The following MAP3K11 variants were observed in gnomAD, a reference collection of about 807,000 sequenced individuals.
The protein encoded by MAP3K11 is SH3 domain-containing proline-rich kinase.
MAP3K11 carries 46 observed loss-of-function variants against 84.9 expected under a neutral mutation model. The ratio of observed to expected loss-of-function variants is 0.54; its 90% confidence interval spans 0.43 to 0.69. MAP3K11 has a LOEUF of 0.69. Among genes scored for constraint, MAP3K11 ranks in the 30% least tolerant of loss-of-function variants. The probability of loss-of-function intolerance (pLI) is 0.00; values close to 1 mark genes in which losing one functional copy is unlikely to be tolerated. For synonymous variants in MAP3K11, 527 were observed against 514.7 expected (o/e 1.02, Z -0.32); for missense variants, 1,053 against 1,198.3 (o/e 0.88, Z 1.79).
In MAP3K11 at chr11:65,613,723, G is replaced by A. The variant is rs1333391484; in HGVS notation, c.34C>T (p.Pro12Ser). The A allele has an allele frequency of 1.0e-5, 16 of 1,588,556 alleles. No homozygotes were observed. The highest frequency in any genetic ancestry group is 6.9e-5 in the Admixed American group (4 of 57,672). ...EPLKSLFLKS[P>S]LGSWNGSGSG... ...CCACTGCCATTCCATGACCCTAGAG[G>A]GCTCTTGAGGAAGAGGCTCTTCAAG... The change falls in exon 1 of 10, where the codon CCT (proline) becomes TCT (serine). Residue 12 changes from proline to serine, a missense_variant. By Grantham distance (74) the Pro-to-Ser change is moderately conservative. Coordinates refer to ENST00000309100, the MANE Select transcript of MAP3K11 (RefSeq NM_002419.4).
rs916549536 is a variant in MAP3K11, at chr11:65,613,390, T to C, written c.367A>G (p.Ile123Val). The change falls in exon 1 of 10, where the codon ATC becomes GTC. Residue 123 changes from isoleucine to valine, a missense_variant. Ile to Val is a conservative substitution (Grantham distance 29, BLOSUM62 3). Coordinates refer to ENST00000309100, the MANE Select transcript of MAP3K11 (RefSeq NM_002419.4). Reference sequence around the variant, plus strand: ...ACCTTGCCAAAGCCTCCAATGCCGATCACCTCCTCCAGCCGCAGCTCCTGG... The same window carrying C: ...ACCTTGCCAAAGCCTCCAATGCCGACCACCTCCTCCAGCCGCAGCTCCTGG... ...SFQELRLEEV[I>V]GIGGFGKVYR... 2 of 1,612,774 alleles carry C rather than the reference T, an allele frequency of 1.2e-6. No homozygotes were observed. The highest frequency in any genetic ancestry group is 1.7e-6 in the Non-Finnish European group (2 of 1,179,808).
At chr11:65,605,583 T>C (rs2135368170) in intron 8 of MAP3K11, 178 bp downstream of exon 8, 1 of 547,626 alleles carries the variant, frequency 1.8e-6, no homozygotes, top group Non-Finnish European at 3.2e-6. Flanking sequence ...CGTGGGCCTG[T>C]AGGTCAGACC....
chr11:65,601,833 A>G (rs1854459267), intron 8 of MAP3K11, among the ~76,000 whole-genome samples: 1 of 143,034 alleles, frequency 7.0e-6, no homozygotes, highest in African/African-American at 2.6e-5. Context: ...AGGTTATCAT[A>G]TCACCCCCAC....
chr11:65,598,743 C>T lies in MAP3K11; in HGVS notation c.2207-115G>A, dbSNP rs547840140. ...CATGTGCACAGTGACCTACTTGACT[C>T]AACTTCCACCGCCCTTCCTGCTCCG... On this transcript the variant is annotated intron_variant, in intron 9 of 9. Coordinates refer to ENST00000309100, the MANE Select transcript of MAP3K11 (RefSeq NM_002419.4). The T allele has an allele frequency of 2.7e-5, 19 of 695,566 alleles. No homozygotes were observed. In the East Asian group the frequency reaches 5.5e-4, roughly 20 times the overall value. The allele number at this position is 695,566 out of a possible 1,614,324, so 43.1% of individuals were successfully genotyped here.
intron 6 of MAP3K11, 29 bp downstream of exon 6, chr11:65,606,662 A>G (rs577044473): frequency 1.4e-6 from 2 of 1,479,128 alleles, no homozygotes; most frequent in East Asian, 2.5e-5. Flanking sequence ...TGGGGGGCGG[A>G]GAGGGGCATG....
At chr11:65,604,258 G>A (rs1414509725) in intron 8 of MAP3K11, among the ~76,000 whole-genome samples, 1 of 152,272 alleles carries the variant, frequency 6.6e-6, no homozygotes, top group East Asian at 1.9e-4. Context: ...TTGTGCCCCT[G>A]CTTCTGGGAG....
chr11:65,608,280 C>T lies in MAP3K11; in HGVS notation c.908G>A (p.Ser303Asn). Residue 303 changes from serine to asparagine, a missense_variant, in exon 2 of 10, where the codon AGT (serine) becomes AAT (asparagine). By Grantham distance (46) the Ser-to-Asn change is conservative. Coordinates refer to ENST00000309100, the MANE Select transcript of MAP3K11 (RefSeq NM_002419.4). The stretch of plus-strand genomic sequence containing the variant: ...CCAAGGGCCGCACCTCCAGACGTCA[C>T]TGCCCTTAGAGAAGGTGGAGGCCTT... ...VIKASTFSKG[S>N]DVWSFGVLLW... The T allele has an allele frequency of 6.2e-7, 1 of 1,613,970 alleles. No individual in the cohort carries two copies. Among genetic ancestry groups the T allele is most frequent in the South Asian group, 1.1e-5 (1 of 91,082 alleles).
intron 8 of MAP3K11, among the ~76,000 whole-genome samples, chr11:65,603,458 C>T (rs184913992): frequency 3.3e-5 from 5 of 152,380 alleles, no homozygotes; most frequent in East Asian, 1.9e-4. Context: ...TAGCTGAGTG[C>T]ACCCTGCCAA....
chr11:65,606,117 T>G, intron 6 of MAP3K11, 36 bp from the exon 7 acceptor site: 1 of 1,543,666 alleles, frequency 6.5e-7, no homozygotes, highest in African/African-American at 1.4e-5. Flanking sequence ...AGATAATCTT[T>G]ATTCTCCCTC....
chr11:65,610,988 A>T (rs1854565337), intron 1 of MAP3K11: 1 of 152,476 alleles, frequency 6.6e-6, no homozygotes, highest in African/African-American at 2.4e-5. Context: ...ATGGGAGGTC[A>T]GGGGTCACCC....
Position 65,606,823 on chromosome 11 carries a change from G to A in MAP3K11, c.1490-19C>T. 6.5e-7 allele frequency: 1 copy of A among 1,535,690 alleles called. No homozygotes were observed. The highest frequency in any genetic ancestry group is 9.0e-7 in the Non-Finnish European group (1 of 1,114,362). ...TTGAAGTCTGGGATTTGGGTTGGGG[G>A]GAGCAGGGTTCAGGTTTGTGATGAA... On this transcript the variant is annotated intron_variant, in intron 5 of 9. Transcript: ENST00000309100.
At chr11:65,607,618 C>T in intron 4 of MAP3K11, 23 bp downstream of exon 4, 1 of 1,589,548 alleles carries the variant, frequency 6.3e-7, no homozygotes, top group Non-Finnish European at 8.6e-7. Flanking sequence ...CGTTCCAACG[C>T]TGGGTCCCTT....
chr11:65,601,409 T>G (rs1303094397), intron 8 of MAP3K11, among the ~76,000 whole-genome samples: 2 of 152,180 alleles, frequency 1.3e-5, no homozygotes, highest in Non-Finnish European at 2.9e-5. Flanking sequence ...GTCTGCCTGC[T>G]TCATCATATG....
intron 1 of MAP3K11, chr11:65,610,744 G>A (rs978616774): frequency 1.3e-5 from 2 of 152,288 alleles, no homozygotes; most frequent in Non-Finnish European, 2.9e-5. Context: ...CAGTATCTCA[G>A]GCCGGGTGGC....
chr11:65,601,238 T>G (rs1161064137), intron 8 of MAP3K11, among the ~76,000 whole-genome samples: 1 of 152,168 alleles, frequency 6.6e-6, no homozygotes, highest in Non-Finnish European at 1.5e-5. Context: ...TCACTCTGGG[T>G]GGCTGACCTT....
chr11:65,607,067 T>G, intron 5 of MAP3K11: 1 of 763,540 alleles, frequency 1.3e-6, no homozygotes, highest in South Asian at 2.2e-5. Flanking sequence ...CCCTTCCCAC[T>G]CCCAGACCGA....
chr11:65,612,759 G>C, intron 1 of MAP3K11: 1 of 383,062 alleles, frequency 2.6e-6, no homozygotes, highest in Non-Finnish European at 4.6e-6. Flanking sequence ...CCACCTGAGA[G>C]ATACCAATTT....
intron 5 of MAP3K11, chr11:65,607,056 C>T (rs772696603): frequency 3.4e-4 from 255 of 748,656 alleles, no homozygotes; most frequent in Non-Finnish European, 4.7e-4. Flanking sequence ...GTGAACCCCA[C>T]CCCTTCCCAC....
chr11:65,598,851 A>G (rs1256265548), intron 9 of MAP3K11, among the ~76,000 whole-genome samples: 2 of 152,124 alleles, frequency 1.3e-5, no homozygotes, highest in African/African-American at 4.8e-5. Context: ...CCTGCCACTT[A>G]CTAGCTGTGG....
Sources: gnomAD v4.1 joint callset for allele counts (sites outside exome capture counted in the v4.1 genomes callset) on GRCh38, gnomAD v4.1.1 for gene constraint, MANE v1.5 for transcripts, NCBI Gene and HGNC (gene_info 2026-07-23, HGNC 2026-07-21) for gene names.